Variants in EYS observed in about 807,000 individuals in gnomAD.
The protein encoded by EYS is protein eyes shut homolog.
Under a neutral mutation model 282.1 loss-of-function variants are expected in EYS, and 250 were observed. The ratio of observed to expected loss-of-function variants is 0.89; its 90% CI spans 0.80 to 0.98. EYS has a LOEUF of 0.98. Ranked by LOEUF, EYS falls within the 50% of genes least tolerant of loss-of-function variation. EYS has a pLI of 0.00. For missense variants in EYS, 4,016 were observed against 3,709.0 expected (o/e 1.08, Z -2.15); for synonymous variants, 1,355 against 1,282.9 (o/e 1.06, Z -1.20).
chr6:65,158,377 AAATT>A (rs1764776956), intron 12 of EYS, among the ~76,000 whole-genome samples: 1 of 150,918 alleles, frequency 6.6e-6, no homozygotes, highest in Non-Finnish European at 1.5e-5. Context: ...TTTATCTCAA[AAATT>A]AATTAATAAT....
intron 36 of EYS, among the ~76,000 whole-genome samples, chr6:63,856,446 G>C (rs1037710475): frequency 6.6e-6 from 1 of 152,158 alleles, no homozygotes; most frequent in Non-Finnish European, 1.5e-5. Flanking sequence ...GAGAACATTT[G>C]GCCTTGAGAG....
At chr6:64,274,942 C>T (rs1485578632) in intron 30 of EYS, among the ~76,000 whole-genome samples, 2 of 152,180 alleles carry the variant, frequency 1.3e-5, no homozygotes, top group Non-Finnish European at 2.9e-5. Context: ...AACAATGCCA[C>T]AAAGAGCTCT....
intron 26 of EYS, among the ~76,000 whole-genome samples, chr6:64,582,923 G>T (rs541989483): frequency 6.6e-6 from 1 of 152,152 alleles, no homozygotes; most frequent in East Asian, 1.9e-4. Flanking sequence ...TATTGCTCCT[G>T]TGTGTTGGGT....
chr6:64,232,606 G>A (rs772268872), intron 30 of EYS, among the ~76,000 whole-genome samples: 2 of 152,050 alleles, frequency 1.3e-5, no homozygotes, highest in African/African-American at 4.8e-5. Flanking sequence ...GGACAGGCTG[G>A]TCTCGAACTC....
At chr6:64,884,443 A>T (rs1193039747) in intron 19 of EYS, among the ~76,000 whole-genome samples, 1 of 151,568 alleles carries the variant, frequency 6.6e-6, no homozygotes, top group African/African-American at 2.4e-5. Context: ...AAAGTATAAC[A>T]TCCTTGTGTT....
intron 2 of EYS, among the ~76,000 whole-genome samples, chr6:65,517,906 TG>T (rs971438013): frequency 5.9e-5 from 9 of 152,046 alleles, no homozygotes; most frequent in African/African-American, 1.9e-4. Context: ...GAGTTTCCAG[TG>T]ATTTGGAAGT....
chr6:65,562,209 A>C (rs1462006351), intron 2 of EYS, among the ~76,000 whole-genome samples: 1 of 152,028 alleles, frequency 6.6e-6, no homozygotes, highest in African/African-American at 2.4e-5. Context: ...ATATTTGCAA[A>C]AGCTTATCAG....
At chr6:64,569,325 G>A (rs1765649480) in intron 26 of EYS, among the ~76,000 whole-genome samples, 1 of 151,830 alleles carries the variant, frequency 6.6e-6, no homozygotes. Flanking sequence ...GAAAAACACA[G>A]CACAAGAACT....
At chr6:64,974,478 A>G (rs1241388744) in intron 14 of EYS, among the ~76,000 whole-genome samples, 1 of 151,738 alleles carries the variant, frequency 6.6e-6, no homozygotes, top group African/African-American at 2.4e-5. Flanking sequence ...AGGAATCTGC[A>G]TTTTTAACCC....
chr6:65,134,648 G>A (rs892667323), intron 12 of EYS, among the ~76,000 whole-genome samples: 1 of 151,888 alleles, frequency 6.6e-6, no homozygotes, highest in African/African-American at 2.4e-5. Flanking sequence ...AGTAACTATT[G>A]GGTACTAGGC....
intron 37 of EYS, among the ~76,000 whole-genome samples, chr6:63,793,870 C>A (rs890477940): frequency 1.3e-5 from 2 of 152,074 alleles, no homozygotes; most frequent in Admixed American, 6.5e-5. Context: ...CCGCTTAGAG[C>A]CTTTGTATGT....
intron 8 of EYS, among the ~76,000 whole-genome samples, chr6:65,383,148 C>T (rs1435147036): frequency 6.6e-6 from 1 of 151,910 alleles, no homozygotes; most frequent in East Asian, 1.9e-4. Flanking sequence ...TTGTTAATAT[C>T]AGTAAGAAGA....
chr6:64,652,568 GCCCAGTGAGACT>G (rs1768601828), intron 22 of EYS, among the ~76,000 whole-genome samples: 3 of 152,172 alleles, frequency 2.0e-5, no homozygotes, highest in African/African-American at 7.2e-5. Flanking sequence ...TCTGATTTTA[GCCCAGTGAGACT>G]CTGGACAGAG....
chr6:65,501,536 G>T (rs76665441), intron 2 of EYS, among the ~76,000 whole-genome samples: 2 of 151,678 alleles, frequency 1.3e-5, no homozygotes, highest in South Asian at 4.2e-4. Context: ...AGTGGTAAAG[G>T]AAATGGAAAG....
intron 19 of EYS, among the ~76,000 whole-genome samples, chr6:64,859,930 A>G (rs1195128934): frequency 2.0e-5 from 3 of 152,206 alleles, no homozygotes; most frequent in African/African-American, 4.8e-5. Flanking sequence ...AGCATGGTAT[A>G]TCTTTTTATA....
chr6:64,590,896 A>G lies in EYS; in HGVS notation c.4971T>C (p.Val1657=). Residue 1657 remains valine, a synonymous_variant, in exon 26 of 43, where the codon GTT becomes GTC. Coordinates refer to ENST00000503581, the MANE Select transcript of EYS (RefSeq NM_001142800.2). ...ESITLSSNLD[V]NLCLDKTCLS... ...AACAAGTCTTATCCAAACATAAATT[A>G]ACATCCAAATTACTTGATAGGGTAA... 6.4e-7 allele frequency: 1 copy of G among 1,550,544 alleles called. No homozygotes were observed. Among genetic ancestry groups the G allele is most frequent in the Middle Eastern group, 1.7e-4 (1 of 5,986 alleles).
chr6:65,103,041 T>C (rs949649105), intron 12 of EYS, among the ~76,000 whole-genome samples: 4 of 151,368 alleles, frequency 2.6e-5, no homozygotes, highest in Admixed American at 1.3e-4. Context: ...CAGAGTGTGG[T>C]CTTTGAGGTT....
chr6:65,011,981 A>C (rs527971404), intron 13 of EYS, among the ~76,000 whole-genome samples: 28 of 152,322 alleles, frequency 1.8e-4, no homozygotes, highest in Non-Finnish European at 3.5e-4. Flanking sequence ...AAAAGAAAGT[A>C]GATTATTAAC....
intron 12 of EYS, among the ~76,000 whole-genome samples, chr6:65,071,964 T>C (rs988116241): frequency 2.6e-5 from 4 of 151,716 alleles, no homozygotes; most frequent in African/African-American, 4.8e-5. Context: ...CCTACTAGTG[T>C]CTTGATATTG....
Sources: allele counts gnomAD v4.1 joint callset (sites outside exome capture counted in the v4.1 genomes callset), GRCh38; gene constraint gnomAD v4.1.1; transcripts MANE v1.5; gene names NCBI Gene and HGNC (gene_info 2026-07-23, HGNC 2026-07-21).